The following KCNIP4 variants were observed in gnomAD, a reference collection of about 807,000 sequenced individuals.
KCNIP4 encodes the protein potassium voltage-gated channel interacting protein 4.
Under a neutral mutation model 34.0 loss-of-function variants are expected in KCNIP4, and 12 were observed. That is an observed-to-expected ratio of 0.35 (90% CI 0.23 to 0.57). The LOEUF is 0.57. Ranked by LOEUF, KCNIP4 falls within the 20% of genes least tolerant of loss-of-function variation. KCNIP4 has a pLI of 0.83. For missense variants in KCNIP4, 238 were observed against 311.7 expected, an observed-to-expected ratio of 0.76 and a Z score of 1.78; for synonymous variants, 124 against 102.2, an observed-to-expected ratio of 1.21 and a Z score of -1.29.
At chr4:21,239,755 A>G (rs571517931) in intron 1 of KCNIP4, among the ~76,000 whole-genome samples, 1 of 152,254 alleles carries the variant, frequency 6.6e-6, no homozygotes, top group African/African-American at 2.4e-5. Context: ...GAGAAATAGG[A>G]ACACTTTTAC....
chr4:21,434,897 A>G (rs1560402454), intron 1 of KCNIP4, among the ~76,000 whole-genome samples: 2 of 152,106 alleles, frequency 1.3e-5, no homozygotes, highest in Non-Finnish European at 2.9e-5. Flanking sequence ...TAGATAAGTT[A>G]CTGCTTTCTT....
intron 1 of KCNIP4, among the ~76,000 whole-genome samples, chr4:21,890,637 A>G (rs1261317184): frequency 1.3e-5 from 2 of 152,100 alleles, no homozygotes; most frequent in African/African-American, 2.4e-5. Flanking sequence ...GTATCCATCT[A>G]ATGATACCAC....
At chr4:21,165,449 CAAAAAAA>C (rs1161082468) in intron 1 of KCNIP4, among the ~76,000 whole-genome samples, 2 of 618 alleles carry the variant, frequency 3.2e-3, no homozygotes, top group East Asian at 0.091. Context: ...TTGAAAGCAT[CAAAAAAA>C]AAAAAAAAAA....
chr4:21,443,369 C>T (rs998714248), intron 1 of KCNIP4, among the ~76,000 whole-genome samples: 1 of 152,192 alleles, frequency 6.6e-6, no homozygotes, highest in African/African-American at 2.4e-5. Flanking sequence ...TCACTCCATA[C>T]TGCTGTAGAA....
chr4:21,382,568 C>G (rs1721610007), intron 1 of KCNIP4, among the ~76,000 whole-genome samples: 1 of 151,938 alleles, frequency 6.6e-6, no homozygotes, highest in Admixed American at 6.6e-5. Context: ...AAACATACAT[C>G]AATGCTCAAA....
chr4:20,864,235 C>A (rs1010373326), intron 2 of KCNIP4, among the ~76,000 whole-genome samples: 1 of 142,460 alleles, frequency 7.0e-6, no homozygotes, highest in Non-Finnish European at 1.5e-5. Context: ...TATATATGTA[C>A]ACATATGTAT....
intron 1 of KCNIP4, among the ~76,000 whole-genome samples, chr4:21,225,923 T>C (rs933516178): frequency 6.6e-6 from 1 of 152,020 alleles, no homozygotes; most frequent in Admixed American, 6.6e-5. Context: ...TATTATCAAG[T>C]CTCTTCCCCC....
intron 1 of KCNIP4, among the ~76,000 whole-genome samples, chr4:21,310,299 G>A (rs910995127): frequency 7.9e-5 from 12 of 152,092 alleles, no homozygotes; most frequent in African/African-American, 2.9e-4. Context: ...GCCTCCCAAA[G>A]TGCTGGGACT....
At chr4:21,330,267 A>C (rs899646694) in intron 1 of KCNIP4, among the ~76,000 whole-genome samples, 6 of 152,210 alleles carry the variant, frequency 3.9e-5, no homozygotes, top group Admixed American at 3.3e-4. Flanking sequence ...CAATTAAAGA[A>C]GTTGTCAATT....
intron 1 of KCNIP4, among the ~76,000 whole-genome samples, chr4:21,060,678 C>A (rs1384597136): frequency 6.6e-6 from 1 of 152,128 alleles, no homozygotes; most frequent in Non-Finnish European, 1.5e-5. Flanking sequence ...GTAATGGGGA[C>A]CCTTTCCAAC....
chr4:21,934,023 G>A (rs1043562260), intron 1 of KCNIP4, among the ~76,000 whole-genome samples: 8 of 152,206 alleles, frequency 5.3e-5, no homozygotes, highest in African/African-American at 1.7e-4. Context: ...GAGGATAGCT[G>A]AAGTTCATTG....
At chr4:21,366,504 A>C in intron 1 of KCNIP4, among the ~76,000 whole-genome samples, 1 of 152,218 alleles carries the variant, frequency 6.6e-6, no homozygotes, top group East Asian at 1.9e-4. Context: ...CAAAGCCAGT[A>C]ATTGCCAGAG....
At chr4:21,524,520 A>C (rs1044384322) in intron 1 of KCNIP4, among the ~76,000 whole-genome samples, 1 of 152,104 alleles carries the variant, frequency 6.6e-6, no homozygotes, top group Non-Finnish European at 1.5e-5. Context: ...AATTCTGTGA[A>C]TATATCCAGT....
chr4:21,065,506 C>A (rs936225365), intron 1 of KCNIP4, among the ~76,000 whole-genome samples: 1 of 151,894 alleles, frequency 6.6e-6, no homozygotes, highest in East Asian at 1.9e-4. Flanking sequence ...TATTTAATTG[C>A]TTTAATTCAC....
At chr4:20,737,480 G>A (rs1213764224) in intron 5 of KCNIP4, among the ~76,000 whole-genome samples, 1 of 152,122 alleles carries the variant, frequency 6.6e-6, no homozygotes, top group African/African-American at 2.4e-5. Flanking sequence ...AGGTGGGGAG[G>A]ATCCAGAACA....
intron 1 of KCNIP4, among the ~76,000 whole-genome samples, chr4:21,860,482 G>A (rs1336576703): frequency 6.6e-6 from 1 of 151,816 alleles, no homozygotes; most frequent in Non-Finnish European, 1.5e-5. Context: ...TATTTGAGAT[G>A]ACTATAATTT....
intron 1 of KCNIP4, among the ~76,000 whole-genome samples, chr4:21,199,388 A>G (rs934172371): frequency 1.3e-5 from 2 of 152,156 alleles, no homozygotes; most frequent in Non-Finnish European, 2.9e-5. Flanking sequence ...ATCTGTTCAT[A>G]TCCTTCCCCC....
intron 1 of KCNIP4, among the ~76,000 whole-genome samples, chr4:21,494,884 A>G (rs990982417): frequency 6.6e-6 from 1 of 152,276 alleles, no homozygotes; most frequent in East Asian, 1.9e-4. Flanking sequence ...GTTAAAATTA[A>G]TTTATAATTA....
intron 1 of KCNIP4, among the ~76,000 whole-genome samples, chr4:21,634,633 G>A (rs954715825): frequency 2.0e-5 from 3 of 152,144 alleles, no homozygotes; most frequent in Non-Finnish European, 4.4e-5. Flanking sequence ...AAATCTTTAA[G>A]TGATATAAAG....
Sources: allele counts gnomAD v4.1 joint callset (sites outside exome capture counted in the v4.1 genomes callset), GRCh38; gene constraint gnomAD v4.1.1; transcripts MANE v1.5; gene names NCBI Gene and HGNC (gene_info 2026-07-23, HGNC 2026-07-21).